The following KDM4C variants were observed in gnomAD, a reference collection of about 807,000 sequenced individuals.
KDM4C encodes lysine demethylase 4C, also known as lysine-specific demethylase 4C.
KDM4C carries 81 observed loss-of-function variants against 129.3 expected under a neutral mutation model. The observed-to-expected ratio is 0.63, with a 90% CI of 0.52 to 0.75. The LOEUF is 0.75. KDM4C is among the 30% of genes least tolerant of loss of function. KDM4C has a pLI of 0.00. For missense variants in KDM4C, 1,457 were observed against 1,304.0 expected (o/e 1.12, Z -1.81); for synonymous variants, 573 against 456.1 (o/e 1.26, Z -3.26).
At chr9:6,894,233 T>C (rs1258129986) in intron 8 of KDM4C, among the ~76,000 whole-genome samples, 1 of 152,258 alleles carries the variant, frequency 6.6e-6, no homozygotes, top group Non-Finnish European at 1.5e-5. Context: ...AAATAAAATA[T>C]AGCCCTTTGG....
chr9:6,869,730 C>T (rs1043534571), intron 5 of KDM4C, among the ~76,000 whole-genome samples: 2 of 152,192 alleles, frequency 1.3e-5, no homozygotes, highest in Admixed American at 6.5e-5. Flanking sequence ...GGGGTATGTT[C>T]TTGGGGGAGG....
intron 1 of KDM4C, among the ~76,000 whole-genome samples, chr9:6,774,916 T>G (rs1563975840): frequency 6.6e-6 from 1 of 152,228 alleles, no homozygotes; most frequent in African/African-American, 2.4e-5. Context: ...TTGTCTTTTA[T>G]GCATTTATCC....
intron 8 of KDM4C, among the ~76,000 whole-genome samples, chr9:6,910,769 C>G (rs12238622): frequency 0.04 from 6,148 of 152,270 alleles, 221 homozygotes; most frequent in East Asian, 0.19. Flanking sequence ...TTTGGATAGT[C>G]TTCACAGTGT....
intron 8 of KDM4C, among the ~76,000 whole-genome samples, chr9:6,906,255 C>T (rs1352022219): frequency 6.6e-6 from 1 of 152,080 alleles, no homozygotes; most frequent in East Asian, 1.9e-4. Flanking sequence ...CAGATGGTGT[C>T]AGATTTGTTT....
At chr9:7,094,941 C>T (rs1587606812) in intron 17 of KDM4C, among the ~76,000 whole-genome samples, 1 of 152,154 alleles carries the variant, frequency 6.6e-6, no homozygotes, top group Non-Finnish European at 1.5e-5. Context: ...GGGATAGCTT[C>T]TGGTGTTCAG....
chr9:6,949,698 C>T (rs1442746221), intron 8 of KDM4C, among the ~76,000 whole-genome samples: 2 of 152,208 alleles, frequency 1.3e-5, no homozygotes, highest in African/African-American at 4.8e-5. Flanking sequence ...GAAAACCAGT[C>T]AGGCGTGGCG....
At chr9:6,909,014 G>A (rs984169356) in intron 8 of KDM4C, among the ~76,000 whole-genome samples, 4 of 152,182 alleles carry the variant, frequency 2.6e-5, no homozygotes, top group African/African-American at 9.7e-5. Flanking sequence ...TCCTGTGACA[G>A]TTACCATGAG....
At chr9:6,829,706 CTCT>C (rs1489046347) in intron 4 of KDM4C, among the ~76,000 whole-genome samples, 1 of 152,162 alleles carries the variant, frequency 6.6e-6, no homozygotes, top group Non-Finnish European at 1.5e-5. Flanking sequence ...TACTCTGGAG[CTCT>C]TCTTGTCTTG....
At chr9:7,062,554 AT>A (rs200361876) in intron 17 of KDM4C, among the ~76,000 whole-genome samples, 2 of 148,288 alleles carry the variant, frequency 1.3e-5, no homozygotes, top group Non-Finnish European at 1.5e-5. Flanking sequence ...TTTCCAGCTA[AT>A]TTTTTTTTTG....
intron 1 of KDM4C, among the ~76,000 whole-genome samples, chr9:6,759,247 A>G (rs1470423698): frequency 2.6e-5 from 4 of 152,176 alleles, no homozygotes; most frequent in East Asian, 3.9e-4. Context: ...ACTCTGCCCT[A>G]TTTTCACCCA....
chr9:6,965,982 T>C (rs1017739715), intron 8 of KDM4C, among the ~76,000 whole-genome samples: 1 of 152,224 alleles, frequency 6.6e-6, no homozygotes, highest in Non-Finnish European at 1.5e-5. Context: ...TACACCATGT[T>C]AACAGAATAA....
At chr9:6,865,236 C>T (rs1474696569) in intron 5 of KDM4C, among the ~76,000 whole-genome samples, 3 of 152,154 alleles carry the variant, frequency 2.0e-5, no homozygotes, top group African/African-American at 7.2e-5. Context: ...TCTCGATCTC[C>T]TGACCTCGTG....
At chr9:7,040,400 T>TGCGTGTGC (rs1554712903) in intron 15 of KDM4C, among the ~76,000 whole-genome samples, 1 of 143,754 alleles carries the variant, frequency 7.0e-6, no homozygotes, top group Admixed American at 7.0e-5. Context: ...TGTGTGTGTG[T>TGCGTGTGC]GTGTGCGTGT....
chr9:7,127,240 A>G (rs1244776629), intron 18 of KDM4C, among the ~76,000 whole-genome samples: 1 of 152,236 alleles, frequency 6.6e-6, no homozygotes, highest in Non-Finnish European at 1.5e-5. Context: ...GAGGAACAGG[A>G]CATTTACATA....
At chr9:7,061,543 T>C (rs1831667550) in intron 17 of KDM4C, among the ~76,000 whole-genome samples, 1 of 105,366 alleles carries the variant, frequency 9.5e-6, no homozygotes, top group South Asian at 3.1e-4. Context: ...CTGGGCATTT[T>C]ATTGGGAAGA....
intron 8 of KDM4C, chr9:6,925,331 T>A: frequency 1.0e-6 from 1 of 985,394 alleles, no homozygotes; most frequent in African/African-American, 1.7e-5. Context: ...CTTTCATCAG[T>A]TGGGCGTCTT....
At chr9:6,819,206 G>A (rs1303506788) in intron 4 of KDM4C, 1 of 152,176 alleles carries the variant, frequency 6.6e-6, no homozygotes. Context: ...TGAATTAGCT[G>A]TATGTATTTG....
intron 8 of KDM4C, among the ~76,000 whole-genome samples, chr9:6,966,999 C>G (rs570270489): frequency 1.3e-5 from 2 of 152,120 alleles, no homozygotes; most frequent in African/African-American, 4.8e-5. Flanking sequence ...ATTGAATTAG[C>G]AAGACCCAGA....
intron 4 of KDM4C, among the ~76,000 whole-genome samples, chr9:6,844,132 TA>T (rs1165983790): frequency 1.3e-5 from 2 of 152,224 alleles, no homozygotes; most frequent in African/African-American, 2.4e-5. Flanking sequence ...CCATCATTTT[TA>T]CGTACTTTTA....
Sources: gnomAD v4.1 joint callset for allele counts (sites outside exome capture counted in the v4.1 genomes callset) on GRCh38, gnomAD v4.1.1 for gene constraint, MANE v1.5 for transcripts, NCBI Gene and HGNC (gene_info 2026-07-23, HGNC 2026-07-21) for gene names.